Variants in UNC13A observed in about 807,000 individuals in gnomAD.
The protein encoded by UNC13A is protein unc-13 homolog A.
A neutral mutation model predicts 219.7 loss-of-function variants in UNC13A; 61 were observed. The observed-to-expected ratio is 0.28, with a 90% CI of 0.23 to 0.34. UNC13A has a LOEUF of 0.34. Ranked by LOEUF, UNC13A falls within the 10% of genes least tolerant of loss-of-function variation. The probability of loss-of-function intolerance (pLI) is 1.00; values close to 1 mark genes in which losing one functional copy is unlikely to be tolerated. For synonymous variants in UNC13A, 920 were observed against 884.6 expected, an observed-to-expected ratio of 1.04 and a Z score of -0.71; for missense variants, 1,476 against 2,270.3, an observed-to-expected ratio of 0.65 and a Z score of 7.11.
At chr19:17,656,741 A>G (rs2079462493) in intron 9 of UNC13A, among the ~76,000 whole-genome samples, 1 of 151,294 alleles carries the variant, frequency 6.6e-6, no homozygotes, top group African/African-American at 2.4e-5. Context: ...AATCCCAGCT[A>G]CTCGGGAGGC....
intron 42 of UNC13A, among the ~76,000 whole-genome samples, chr19:17,610,762 C>T (rs1361631853): frequency 6.6e-6 from 1 of 152,158 alleles, no homozygotes; most frequent in Admixed American, 6.5e-5. Context: ...GGTATGGTGG[C>T]TCACGTCTGG....
intron 1 of UNC13A, 200 bp from the exon 2 acceptor site, chr19:17,676,241 G>A (rs374373445): frequency 1.1e-5 from 8 of 696,536 alleles, no homozygotes; most frequent in African/African-American, 3.5e-5. Flanking sequence ...CAGAGACAAG[G>A]GGAGGAGGAG....
intron 41 of UNC13A, among the ~76,000 whole-genome samples, chr19:17,617,042 C>T (rs1460546044): frequency 6.6e-6 from 1 of 152,122 alleles, no homozygotes; most frequent in Non-Finnish European, 1.5e-5. Context: ...CGTCCACCCT[C>T]CCCCACCAAG....
rs2079854815 is a variant in UNC13A at position 17,674,321 on chromosome 19, A to G, written c.152+336T>C. 6.6e-6 allele frequency among the ~76,000 whole-genome samples: 1 copy of G among 152,178 alleles called. No homozygotes were observed. The highest frequency in any genetic ancestry group is 1.5e-5 in the Non-Finnish European group (1 of 68,022). On this transcript the variant is annotated intron_variant, in intron 3 of 43. Transcript: ENST00000519716. The surrounding 1 kb of genome is among the most constrained non-coding windows in gnomAD (Gnocchi z 5.0). ...TTATTGTGAGGTCGATGAGCCACGG[A>G]CAAGTTTGGAACATGGGAGCGACAG...
At chr19:17,654,062 C>CAG (rs1334638334) in intron 11 of UNC13A, among the ~76,000 whole-genome samples, 2 of 149,602 alleles carry the variant, frequency 1.3e-5, no homozygotes, top group Non-Finnish European at 3.0e-5. Flanking sequence ...CTCCTGACCT[C>CAG]GTGATCCACC....
chr19:17,663,664 C>A, intron 7 of UNC13A, 97 bp from the exon 8 acceptor site: 1 of 1,300,040 alleles, frequency 7.7e-7, no homozygotes. Context: ...CCCAACTGCT[C>A]CCCCCACCCC....
rs1357699496 is a variant in UNC13A at position 17,605,926 on chromosome 19, G to A, written c.*128C>T. On this transcript the variant is annotated 3_prime_UTR_variant, in exon 44 of 44. Transcript: ENST00000519716. The stretch of plus-strand genomic sequence containing the variant: ...GGAAAGCTGAGTCAAGGGCGTAGGC[G>A]CAGCCCACCCTTGGCGTGGAGCCCC... The A allele has an allele frequency of 4.5e-5, 39 of 868,314 alleles. 1 individual carries two copies. Among genetic ancestry groups the A allele is most frequent in the Non-Finnish European group, 4.8e-6 (3 of 625,900 alleles). The allele number at this position is 868,314 out of a possible 1,614,324, so 53.8% of individuals were successfully genotyped here. A position where few individuals can be genotyped will look rare whatever the true frequency, so the allele number is the denominator to read the frequency against.
intron 23 of UNC13A, 74 bp downstream of exon 23, chr19:17,639,766 C>T (rs141051531): frequency 4.5e-6 from 7 of 1,555,364 alleles, no homozygotes; most frequent in South Asian, 1.1e-5. Context: ...CATGCACACA[C>T]CTGCTGGTAG....
intron 12 of UNC13A, among the ~76,000 whole-genome samples, chr19:17,651,456 C>T (rs111396920): frequency 0.034 from 5,130 of 152,206 alleles, 317 homozygotes; most frequent in African/African-American, 0.12. Context: ...GAACTCCTGA[C>T]GTCAGGCGAT....
At chr19:17,647,880 C>T (rs1281468425) in intron 16 of UNC13A, among the ~76,000 whole-genome samples, 1 of 143,870 alleles carries the variant, frequency 7.0e-6, no homozygotes, top group Non-Finnish European at 1.5e-5. Flanking sequence ...CGCTGCCTCT[C>T]TGAGCCCCAC....
Position 17,606,217 on chromosome 19 carries a change from G to C in UNC13A, c.4949C>G (p.Ala1650Gly), listed in dbSNP as rs758307160. Residue 1650 changes from alanine (A) to glycine (G), a missense_variant, in exon 44 of 44, where the codon GCC becomes GGC. Ala to Gly is a moderately conservative substitution (Grantham distance 60, BLOSUM62 0). Transcript: ENST00000519716. ...LRELAQRGSA[A>G]CWLPLGRRIH... is the part of the protein sequence containing the mutation. ...GCGGCGGCCGAGCGGCAGCCAGCAGGCGGCGCTCCCGCGCTGGGCCAGCTC... is the reference window on the plus strand; with the variant it reads ...GCGGCGGCCGAGCGGCAGCCAGCAGCCGGCGCTCCCGCGCTGGGCCAGCTC... 1 of 1,554,804 alleles carries C rather than the reference G, an allele frequency of 6.4e-7. No homozygotes were observed. Among genetic ancestry groups the C allele is most frequent in the Non-Finnish European group, 8.7e-7 (1 of 1,150,816 alleles).
At chr19:17,612,475 A>G (rs567258121) in intron 41 of UNC13A, among the ~76,000 whole-genome samples, 1 of 152,190 alleles carries the variant, frequency 6.6e-6, no homozygotes, top group South Asian at 2.1e-4. Flanking sequence ...TGCCTGGACT[A>G]TTGCAGTAGC....
At chr19:17,670,528 T>C (rs1046375179) in intron 4 of UNC13A, among the ~76,000 whole-genome samples, 7 of 147,920 alleles carry the variant, frequency 4.7e-5, no homozygotes, top group Non-Finnish European at 1.0e-4. Flanking sequence ...TGAGCCACCA[T>C]GCCCAGCCAA....
chr19:17,670,796 C>T (rs1654564703), intron 4 of UNC13A, among the ~76,000 whole-genome samples: 1 of 151,742 alleles, frequency 6.6e-6, no homozygotes, highest in Admixed American at 6.6e-5. Flanking sequence ...CCCAGCTACT[C>T]AGGAGGTTGA....
At chr19:17,634,805 C>T (rs2076895966) in intron 26 of UNC13A, among the ~76,000 whole-genome samples, 1 of 152,184 alleles carries the variant, frequency 6.6e-6, no homozygotes, top group Admixed American at 6.5e-5. Flanking sequence ...AAGCAATTTT[C>T]CTGCCTCAGT....
In UNC13A at chr19:17,658,113, T is replaced by C; in HGVS notation, c.716A>G (p.Tyr239Cys). 5 of 1,613,730 alleles carry C rather than the reference T, an allele frequency of 3.1e-6. No homozygotes were observed. Among genetic ancestry groups the C allele is most frequent in the South Asian group, 1.1e-5 (1 of 91,058 alleles). ...RPPPLGSRES[Y>C]SDSMHSYEEF... ...CTCGTAACTGTGCATGGAGTCACTG[T>C]AGGACTCCCGGGAGCCCAGGGGTGG... The change falls in exon 9 of 44, where the codon TAC becomes TGC. Residue 239 changes from tyrosine to cysteine, a missense_variant. This residue lies in a region of UNC13A where 351 missense variants were observed against 342.6 expected (regional missense o/e 1.02). Transcript: ENST00000519716.
intron 41 of UNC13A, chr19:17,613,659 T>C (rs1393833928): frequency 6.6e-5 from 10 of 152,048 alleles, no homozygotes; most frequent in Admixed American, 6.6e-4. Flanking sequence ...CATCTTTTAT[T>C]TTCCTTACCC....
At position 17,612,108 on chromosome 19, in the gene UNC13A, T is replaced by C. The variant is rs193254280; in HGVS notation, c.4559-253A>G. ...CTCTGAGCCTAATGCAATTCTTTTC[T>C]TTTTTCTTATTCCATTGATTGCCAT... On this transcript the variant is annotated intron_variant, in intron 41 of 43. Coordinates refer to ENST00000519716, the MANE Select transcript of UNC13A (RefSeq NM_001080421.3). 8.2e-4 allele frequency: 306 copies of C among 371,602 alleles called. 1 individual carries two copies. Among genetic ancestry groups the C allele is most frequent in the Non-Finnish European group, 1.3e-3 (263 of 207,308 alleles). 23.0% of individuals were successfully genotyped at this position (371,602 alleles called of 1,614,324 possible). A position where few individuals can be genotyped will look rare whatever the true frequency, so the allele number is the denominator to read the frequency against.
intron 7 of UNC13A, 82 bp from the exon 8 acceptor site, chr19:17,663,649 C>T: frequency 7.0e-7 from 1 of 1,428,132 alleles, no homozygotes; most frequent in South Asian, 1.2e-5. Context: ...GCTGTCCTCA[C>T]TCTCCCCAAC....
Sources: gnomAD v4.1 joint callset for allele counts (sites outside exome capture counted in the v4.1 genomes callset) on GRCh38, gnomAD v4.1.1 for gene constraint, gnomAD v4.1.1 regional missense constraint, Gnocchi (gnomAD v3.1) non-coding constraint, MANE v1.5 for transcripts, NCBI Gene and HGNC (gene_info 2026-07-23, HGNC 2026-07-21) for gene names.